SNRPN: variants seen among roughly 807,000 people sequenced by gnomAD.
SNRPN encodes the protein small nuclear ribonucleoprotein-associated protein N.
Under a neutral mutation model 25.2 loss-of-function variants are expected in SNRPN, and 7 were observed. The observed-to-expected ratio is 0.28, with a 90% CI of 0.16 to 0.52. The LOEUF is 0.52. Among genes scored for constraint, SNRPN ranks in the 20% least tolerant of loss-of-function variants. The probability of loss-of-function intolerance (pLI) is 0.96; values close to 1 mark genes in which losing one functional copy is unlikely to be tolerated. For missense variants in SNRPN, 196 were observed against 322.5 expected (o/e 0.61, Z 3.00); for synonymous variants, 124 against 110.6 (o/e 1.12, Z -0.76).
intron 3 of SNRPN, among the ~76,000 whole-genome samples, chr15:24,924,959 C>A (rs2060281029): frequency 2.6e-5 from 4 of 152,188 alleles, no homozygotes; most frequent in African/African-American, 9.6e-5. Flanking sequence ...GCATGTCTGA[C>A]AGAAGGTTTG....
chr15:24,871,760 A>C (rs568153202), intron 1 of SNRPN, among the ~76,000 whole-genome samples: 32 of 149,476 alleles, frequency 2.1e-4, no homozygotes, highest in African/African-American at 7.3e-4. Flanking sequence ...GCTAGAGTGC[A>C]GTGGTGCAAT....
chr15:24,894,653 A>G (rs1191085247), intron 2 of SNRPN, among the ~76,000 whole-genome samples: 1 of 152,218 alleles, frequency 6.6e-6, no homozygotes, highest in East Asian at 1.9e-4. Context: ...GAATTTTTAT[A>G]ATTTTTTTCC....
chr15:24,868,613 A>G (rs751108019), intron 1 of SNRPN, among the ~76,000 whole-genome samples: 109 of 152,264 alleles, frequency 7.2e-4, no homozygotes, highest in Non-Finnish European at 1.4e-3. Context: ...CTGGGTGCCA[A>G]TCTAGGGTCT....
intron 1 of SNRPN, among the ~76,000 whole-genome samples, chr15:24,861,755 TAA>T (rs60387602): frequency 0.18 from 27,778 of 152,064 alleles, 2,867 homozygotes; most frequent in East Asian, 0.45. Flanking sequence ...AATAAACACA[TAA>T]GAGTCGATTT....
upstream of SNRPN, among the ~76,000 whole-genome samples, chr15:24,853,800 C>T (rs2053119227): frequency 6.6e-6 from 1 of 152,130 alleles, no homozygotes; most frequent in African/African-American, 2.4e-5. Flanking sequence ...AATTTGATTA[C>T]CTATTTGAAT....
intron 2 of SNRPN, 123 bp from the exon 3 acceptor site, chr15:24,967,808 GA>G (rs35146696): frequency 0.29 from 138,577 of 483,994 alleles, 5,847 homozygotes; most frequent in East Asian, 0.36. Context: ...ACCCTGTCTG[GA>G]AAAAAAAAAA....
At chr15:24,863,234 T>C (rs889034164) in intron 1 of SNRPN, among the ~76,000 whole-genome samples, 3 of 150,752 alleles carry the variant, frequency 2.0e-5, no homozygotes, top group Non-Finnish European at 4.4e-5. Context: ...GTAGGTTGGA[T>C]CACTGGATCA....
At chr15:24,963,926 G>A (rs2075242414) in intron 2 of SNRPN, among the ~76,000 whole-genome samples, 1 of 151,968 alleles carries the variant, frequency 6.6e-6, no homozygotes, top group African/African-American at 2.4e-5. Context: ...CAGCTACCTG[G>A]GAGGCTGAAG....
chr15:24,950,100 G>T (rs941618807), upstream of SNRPN, among the ~76,000 whole-genome samples: 2 of 152,104 alleles, frequency 1.3e-5, no homozygotes, highest in Non-Finnish European at 2.9e-5. Flanking sequence ...GGGACTGCAG[G>T]CATGAGCCAT....
At chr15:24,932,176 T>C (rs774031856) in intron 3 of SNRPN, among the ~76,000 whole-genome samples, 2 of 152,172 alleles carry the variant, frequency 1.3e-5, no homozygotes, top group African/African-American at 4.8e-5. Context: ...GGCCTTGAGA[T>C]GCTAGAATCT....
At chr15:24,962,458 T>G (rs781535614) in intron 2 of SNRPN, among the ~76,000 whole-genome samples, 2 of 152,214 alleles carry the variant, frequency 1.3e-5, no homozygotes, top group African/African-American at 4.8e-5. Context: ...TTTATAAAAT[T>G]TTGTAATTAC....
At chr15:24,912,434 T>C (rs958028571) in intron 2 of SNRPN, 3 of 152,224 alleles carry the variant, frequency 2.0e-5, no homozygotes, top group East Asian at 1.9e-4. Flanking sequence ...ATTTAGATGA[T>C]ATTTACATGC....
chr15:24,953,334 TA>T (rs1391551385), upstream of SNRPN, among the ~76,000 whole-genome samples: 7 of 152,334 alleles, frequency 4.6e-5, 1 homozygote, highest in East Asian at 5.8e-4. Flanking sequence ...TTATTTTATT[TA>T]TTTTTTTGAG....
At chr15:24,842,295 A>T (rs1190613768) in intron 2 of SNRPN, among the ~76,000 whole-genome samples, 1 of 152,170 alleles carries the variant, frequency 6.6e-6, no homozygotes, top group African/African-American at 2.4e-5. Context: ...GAGTCCAGAC[A>T]CTTCTACCCA....
At chr15:24,927,590 G>A (rs1452186294) in intron 3 of SNRPN, among the ~76,000 whole-genome samples, 2 of 142,130 alleles carry the variant, frequency 1.4e-5, no homozygotes, top group African/African-American at 2.6e-5. Flanking sequence ...CGGGATATAC[G>A]TTTGGATAAT....
chr15:24,835,573 C>T (rs2051094091), intron 2 of SNRPN, among the ~76,000 whole-genome samples: 1 of 152,012 alleles, frequency 6.6e-6, no homozygotes. Flanking sequence ...TCAGATCATT[C>T]CCCATCAGAG....
rs10543501 is a variant in SNRPN, at chr15:24,882,823, C to CAAAAAAAAAAAAAAA, written c.-578-3682_-578-3681insAAAAAAAAAAAAAAA. ...TGGGCGACAGAGCGAGACTCCATCT[C>CAAAAAAAAAAAAAAA]AAAAAAAAAAATATATATATATATA... is the stretch of plus-strand genomic sequence containing the variant. On this transcript the variant is annotated intron_variant, in intron 1 of 11. Coordinates refer to the SNRPN transcript ENST00000400097. 5.1e-4 allele frequency among the ~76,000 whole-genome samples: 65 copies of CAAAAAAAAAAAAAAA among 127,056 alleles called. 1 individual carries two copies. Among genetic ancestry groups the CAAAAAAAAAAAAAAA allele is most frequent in the African/African-American group, 1.8e-3 (59 of 32,840 alleles). The allele number at this position is 127,056 out of a possible 152,430, so 83.4% of individuals were successfully genotyped here.
rs138351009 is a variant in SNRPN, at chr15:24,968,170, AT to A, written c.-144+95del. The A allele has an allele frequency of 5.3e-5, 43 of 811,806 alleles. No homozygotes were observed. The East Asian group carries it at 9.6e-4, about 18-fold the overall frequency. 50.3% of individuals were successfully genotyped at this position (811,806 alleles called of 1,614,324 possible). ...TCTCTTAATTATCAGTGACACATTAATTTTTTTCCTTAGAGCTTCATACAAT... is the reference window on the plus strand; with the variant it reads ...TCTCTTAATTATCAGTGACACATTAATTTTTTCCTTAGAGCTTCATACAAT... On this transcript the variant is annotated intron_variant, in intron 3 of 9. Coordinates refer to ENST00000390687, the MANE Select transcript of SNRPN (RefSeq NM_003097.6).
At chr15:24,874,673 G>A (rs74005383) in intron 1 of SNRPN, among the ~76,000 whole-genome samples, 2,306 of 152,204 alleles carry the variant, frequency 0.015, 72 homozygotes, top group African/African-American at 0.053. Context: ...TTTGATTGAC[G>A]TCTTCTGGTG....
Sources: allele counts gnomAD v4.1 joint callset (sites outside exome capture counted in the v4.1 genomes callset), GRCh38; gene constraint gnomAD v4.1.1; transcripts MANE v1.5; gene names NCBI Gene and HGNC (gene_info 2026-07-23, HGNC 2026-07-21).